Variants in CHRDL1 observed in about 807,000 individuals in gnomAD.
The protein encoded by CHRDL1 is chordin like 1, also known as chordin-like protein 1.
A neutral mutation model predicts 40.9 loss-of-function variants in CHRDL1; 19 were observed. The observed-to-expected ratio is 0.46, with a 90% confidence interval of 0.32 to 0.68. The LOEUF (loss-of-function observed/expected upper bound fraction) is 0.68, where lower values mean the gene tolerates loss of function less well. CHRDL1 is among the 30% of genes least tolerant of loss of function. The pLI is 0.03. For synonymous variants in CHRDL1, 136 were observed against 123.4 expected (o/e 1.10, Z -0.68); for missense variants, 329 against 352.1 (o/e 0.93, Z 0.53).
chrX:110,718,120 C>T (rs778750626), intron 6 of CHRDL1, among the ~76,000 whole-genome samples: 2 of 112,115 alleles, frequency 1.8e-5, no homozygotes, highest in South Asian at 7.4e-4. Flanking sequence ...ATTATCCTCA[C>T]TTTAAAGATT....
chrX:110,746,329 A>G (rs2089252509), intron 4 of CHRDL1, among the ~76,000 whole-genome samples: 1 of 111,034 alleles, frequency 9.0e-6, no homozygotes, highest in African/African-American at 3.3e-5. Flanking sequence ...CATAATGGTG[A>G]ATCTTGCTCT....
chrX:110,780,359 T>A (rs1029652694), intron 2 of CHRDL1, among the ~76,000 whole-genome samples: 1 of 111,195 alleles, frequency 9.0e-6, no homozygotes, highest in Non-Finnish European at 1.9e-5. Context: ...ACAGCATATA[T>A]TATATACATT....
intron 4 of CHRDL1, among the ~76,000 whole-genome samples, chrX:110,740,755 T>C (rs764771561): frequency 2.7e-5 from 3 of 112,234 alleles, no homozygotes; most frequent in Admixed American, 1.9e-4. Context: ...CAATGTGATA[T>C]GCTTAAGCAC....
chrX:110,724,723 C>T (rs1215168813), intron 4 of CHRDL1, among the ~76,000 whole-genome samples: 5 of 110,452 alleles, frequency 4.5e-5, no homozygotes, highest in Non-Finnish European at 7.6e-5. Context: ...GTCACAATCC[C>T]AACTCAATGG....
intron 6 of CHRDL1, among the ~76,000 whole-genome samples, chrX:110,715,575 C>T (rs2070826084): frequency 8.9e-6 from 1 of 111,748 alleles, no homozygotes; most frequent in Non-Finnish European, 1.9e-5. Context: ...GATAACAGCA[C>T]TCGTAGGTGG....
intron 1 of CHRDL1, among the ~76,000 whole-genome samples, chrX:110,792,688 A>G (rs1419929105): frequency 8.9e-6 from 1 of 111,937 alleles, no homozygotes; most frequent in Non-Finnish European, 1.9e-5. Context: ...TGAAGTACAA[A>G]TTGATCAGTT....
At chrX:110,759,000 G>A (rs1263652608) in intron 4 of CHRDL1, among the ~76,000 whole-genome samples, 1 of 111,710 alleles carries the variant, frequency 9.0e-6, no homozygotes, top group Non-Finnish European at 1.9e-5. Context: ...TTTGGGGTGG[G>A]AATCGGGCCC....
At chrX:110,724,940 T>C (rs1040430051) in intron 4 of CHRDL1, among the ~76,000 whole-genome samples, 1 of 111,718 alleles carries the variant, frequency 9.0e-6, no homozygotes, top group African/African-American at 3.3e-5. Flanking sequence ...TAAACAAATA[T>C]CCTTGGAACA....
At chrX:110,750,395 T>C (rs1431320568) in intron 4 of CHRDL1, among the ~76,000 whole-genome samples, 1 of 110,623 alleles carries the variant, frequency 9.0e-6, no homozygotes, top group Admixed American at 9.7e-5. Context: ...AAGGTAATAA[T>C]TGCCTCTTCT....
At chrX:110,767,535 T>C (rs2089681543) in intron 2 of CHRDL1, among the ~76,000 whole-genome samples, 1 of 109,792 alleles carries the variant, frequency 9.1e-6, no homozygotes, top group Admixed American at 9.8e-5. Flanking sequence ...GTAGCTCTTC[T>C]ATACACCAAA....
intron 6 of CHRDL1, among the ~76,000 whole-genome samples, chrX:110,716,977 A>G (rs1406656772): frequency 1.8e-5 from 2 of 111,745 alleles, no homozygotes; most frequent in Non-Finnish European, 3.8e-5. Context: ...TTAACCAATC[A>G]GGAACTGAAA....
intron 2 of CHRDL1, among the ~76,000 whole-genome samples, chrX:110,769,448 TCA>T (rs1432187551): frequency 1.8e-5 from 2 of 112,172 alleles, no homozygotes; most frequent in Non-Finnish European, 3.8e-5. Context: ...ATCATGCAAA[TCA>T]ATTAGGACCA....
At chrX:110,692,323 G>A (rs1018422921) in intron 8 of CHRDL1, among the ~76,000 whole-genome samples, 4 of 111,622 alleles carry the variant, frequency 3.6e-5, no homozygotes, top group African/African-American at 1.3e-4. Flanking sequence ...GAATCATCCA[G>A]CTTGGGAGTT....
chrX:110,681,931 C>CCCTA (rs1392487415), intron 9 of CHRDL1, among the ~76,000 whole-genome samples: 12 of 111,621 alleles, frequency 1.1e-4, no homozygotes, highest in Non-Finnish European at 2.3e-4. Context: ...AACACTAGAC[C>CCCTA]CCTACTACTG....
chrX:110,741,718 C>A (rs1275554120), intron 4 of CHRDL1, among the ~76,000 whole-genome samples: 1 of 111,948 alleles, frequency 8.9e-6, no homozygotes, highest in African/African-American at 3.3e-5. Context: ...TCCTTGGCAT[C>A]TGATGACTAC....
At chrX:110,768,540 G>T (rs1398809071) in intron 2 of CHRDL1, among the ~76,000 whole-genome samples, 1 of 110,945 alleles carries the variant, frequency 9.0e-6, no homozygotes, top group Admixed American at 9.5e-5. Context: ...CATCCAATTT[G>T]CTGCCAGCAA....
chrX:110,691,132 T>G (rs1378737119), intron 8 of CHRDL1, among the ~76,000 whole-genome samples: 1 of 108,100 alleles, frequency 9.3e-6, no homozygotes, highest in Non-Finnish European at 1.9e-5. Context: ...GAGGATCACT[T>G]GGGCCCGGGA....
At chrX:110,738,929 G>A (rs1025934892) in intron 4 of CHRDL1, among the ~76,000 whole-genome samples, 6 of 111,354 alleles carry the variant, frequency 5.4e-5, no homozygotes, top group Non-Finnish European at 9.4e-5. Flanking sequence ...GATTCAGAAT[G>A]AATTTCCTAG....
At chrX:110,787,551 A>T (rs187994758) in intron 2 of CHRDL1, among the ~76,000 whole-genome samples, 4 of 112,578 alleles carry the variant, frequency 3.6e-5, no homozygotes, top group African/African-American at 9.7e-5. Flanking sequence ...ACCAAGGGAG[A>T]ATCTGGAGGA....
Sources: allele counts gnomAD v4.1 joint callset (sites outside exome capture counted in the v4.1 genomes callset), GRCh38; gene constraint gnomAD v4.1.1; transcripts MANE v1.5; gene names NCBI Gene and HGNC (gene_info 2026-07-23, HGNC 2026-07-21).